The following KCNIP4 variants were observed in gnomAD, a reference collection of about 807,000 sequenced individuals.
The protein encoded by KCNIP4 is Kv channel-interacting protein 4.
KCNIP4 carries 12 observed loss-of-function variants against 34.0 expected under a neutral mutation model. The observed-to-expected ratio is 0.35, with a 90% CI of 0.23 to 0.57. KCNIP4 has a LOEUF of 0.57. Ranked by LOEUF, KCNIP4 falls within the 20% of genes least tolerant of loss-of-function variation. The pLI is 0.83. For missense variants in KCNIP4, 238 were observed against 311.7 expected (o/e 0.76, Z 1.78); for synonymous variants, 124 against 102.2 (o/e 1.21, Z -1.29).
At chr4:21,312,511 C>T (rs1372084612) in intron 1 of KCNIP4, among the ~76,000 whole-genome samples, 1 of 152,188 alleles carries the variant, frequency 6.6e-6, no homozygotes, top group Non-Finnish European at 1.5e-5. Context: ...TCTCCCAGCT[C>T]TTCAAAACTA....
chr4:20,956,606 G>A (rs1733332683), intron 1 of KCNIP4, among the ~76,000 whole-genome samples: 1 of 152,060 alleles, frequency 6.6e-6, no homozygotes, highest in South Asian at 2.1e-4. Flanking sequence ...TGTACTCACT[G>A]CAGAAGAATA....
intron 1 of KCNIP4, among the ~76,000 whole-genome samples, chr4:20,942,579 AACTGAC>A (rs1731752248): frequency 1.3e-5 from 2 of 152,232 alleles, no homozygotes; most frequent in African/African-American, 4.8e-5. Context: ...CAGATAAGGA[AACTGAC>A]ACTGAGGGAG....
chr4:20,838,792 A>C (rs1325922165), intron 3 of KCNIP4, among the ~76,000 whole-genome samples: 1 of 152,220 alleles, frequency 6.6e-6, no homozygotes, highest in Non-Finnish European at 1.5e-5. Flanking sequence ...ATGACTTGAA[A>C]GAAAATGGGA....
intron 1 of KCNIP4, among the ~76,000 whole-genome samples, chr4:21,772,276 C>T (rs1409785310): frequency 6.6e-6 from 1 of 152,178 alleles, no homozygotes; most frequent in Non-Finnish European, 1.5e-5. Flanking sequence ...ATGAAGCTGA[C>T]TTGATTGTGG....
intron 1 of KCNIP4, among the ~76,000 whole-genome samples, chr4:21,615,842 A>G (rs1744557001): frequency 6.6e-6 from 1 of 152,186 alleles, no homozygotes; most frequent in African/African-American, 2.4e-5. Context: ...GGCTCTTTCT[A>G]TAATGCAACC....
intron 1 of KCNIP4, among the ~76,000 whole-genome samples, chr4:21,451,592 A>G (rs776610757): frequency 6.6e-6 from 1 of 152,206 alleles, no homozygotes; most frequent in Non-Finnish European, 1.5e-5. Context: ...CATGCTGTAT[A>G]GAAGTTAGTG....
chr4:21,065,726 C>CTATATATATA (rs5856598), intron 1 of KCNIP4, among the ~76,000 whole-genome samples: 13 of 86,350 alleles, frequency 1.5e-4, no homozygotes, highest in Non-Finnish European at 2.5e-4. Flanking sequence ...TATCATTTGT[C>CTATATATATA]TATATATATA....
chr4:21,533,121 G>A (rs1191577769), intron 1 of KCNIP4, among the ~76,000 whole-genome samples: 1 of 151,762 alleles, frequency 6.6e-6, no homozygotes, highest in Non-Finnish European at 1.5e-5. Flanking sequence ...CCATTTTAGA[G>A]AGCCAATTAT....
chr4:20,755,171 A>G (rs533099762), intron 4 of KCNIP4, among the ~76,000 whole-genome samples: 2 of 152,166 alleles, frequency 1.3e-5, no homozygotes, highest in African/African-American at 4.8e-5. Context: ...CATCCAAAGT[A>G]TATCCAAATT....
intron 1 of KCNIP4, among the ~76,000 whole-genome samples, chr4:21,010,476 C>T (rs1738971864): frequency 6.6e-6 from 1 of 152,238 alleles, no homozygotes; most frequent in African/African-American, 2.4e-5. Flanking sequence ...GACTTTGTGG[C>T]GTGTTCTTTC....
intron 1 of KCNIP4, among the ~76,000 whole-genome samples, chr4:21,325,206 G>A (rs1485653925): frequency 6.6e-6 from 1 of 151,806 alleles, no homozygotes; most frequent in Non-Finnish European, 1.5e-5. Context: ...ATGTTTGATA[G>A]AGTTCAGCAG....
intron 1 of KCNIP4, among the ~76,000 whole-genome samples, chr4:21,259,133 G>A (rs1455068644): frequency 1.3e-5 from 2 of 152,138 alleles, no homozygotes; most frequent in Non-Finnish European, 2.9e-5. Context: ...ATCCAGGACT[G>A]TCAGACTCCA....
At chr4:20,808,235 G>A (rs1004726312) in intron 3 of KCNIP4, among the ~76,000 whole-genome samples, 8 of 152,138 alleles carry the variant, frequency 5.3e-5, no homozygotes, top group African/African-American at 1.9e-4. Flanking sequence ...ACAGAAGAGC[G>A]TGACAATGCA....
At chr4:21,046,199 C>G (rs1742406192) in intron 1 of KCNIP4, among the ~76,000 whole-genome samples, 1 of 152,134 alleles carries the variant, frequency 6.6e-6, no homozygotes, top group African/African-American at 2.4e-5. Context: ...TAAGAAAACA[C>G]TGCTGTTTGG....
chr4:21,544,010 T>C (rs1285038445), intron 1 of KCNIP4, among the ~76,000 whole-genome samples: 3 of 152,182 alleles, frequency 2.0e-5, no homozygotes. Context: ...AATGTTATAA[T>C]ACTGTTAAAT....
intron 1 of KCNIP4, among the ~76,000 whole-genome samples, chr4:20,918,850 A>C (rs1427058599): frequency 1.1e-4 from 16 of 152,224 alleles, no homozygotes. Flanking sequence ...AGAGTTAGGA[A>C]AACCAAATCT....
intron 1 of KCNIP4, among the ~76,000 whole-genome samples, chr4:21,680,375 C>T (rs1378134125): frequency 6.6e-6 from 1 of 152,210 alleles, no homozygotes; most frequent in Non-Finnish European, 1.5e-5. Flanking sequence ...ATCACATCTC[C>T]AGCAACTTCC....
At chr4:20,759,642 A>AT (rs1754784045) in intron 3 of KCNIP4, among the ~76,000 whole-genome samples, 1 of 109,906 alleles carries the variant, frequency 9.1e-6, no homozygotes, top group South Asian at 2.9e-4. Flanking sequence ...ATTTTTGCTA[A>AT]TAAAAAAAAG....
intron 1 of KCNIP4, among the ~76,000 whole-genome samples, chr4:21,726,951 A>T (rs1715239790): frequency 6.6e-6 from 1 of 152,188 alleles, no homozygotes; most frequent in African/African-American, 2.4e-5. Flanking sequence ...CCCCCTAGCC[A>T]TAAGCTCAAT....
Sources: gnomAD v4.1 joint callset for allele counts (sites outside exome capture counted in the v4.1 genomes callset) on GRCh38, gnomAD v4.1.1 for gene constraint, MANE v1.5 for transcripts, NCBI Gene and HGNC (gene_info 2026-07-23, HGNC 2026-07-21) for gene names.